TRDN: variants seen among roughly 807,000 people sequenced by gnomAD.
TRDN encodes the protein triadin, also known as triadin in skeletal muscle.
A neutral mutation model predicts 149.7 loss-of-function variants in TRDN; 161 were observed. The ratio of observed to expected loss-of-function variants is 1.08; its 90% CI spans 0.95 to 1.23. The LOEUF is 1.23. Among genes scored for constraint, TRDN ranks in the 50% most tolerant of loss-of-function variants. The pLI is 0.00. For missense variants in TRDN, 896 were observed against 823.5 expected, an observed-to-expected ratio of 1.09 and a Z score of -1.08; for synonymous variants, 294 against 250.5, an observed-to-expected ratio of 1.17 and a Z score of -1.64.
chr6:123,235,497 C>T lies in TRDN; in HGVS notation c.1976-11366G>A, dbSNP rs188481281. 3.5e-3 allele frequency among the ~76,000 whole-genome samples: 540 copies of T among 152,172 alleles called. 3 individuals carry two copies. The highest frequency in any genetic ancestry group is 0.012 in the African/African-American group (502 of 41,524). ...GTCAGGTAAGTGAGAAAAAGCAACC[C>T]AGCTAGGAAATCTCAAAAAGCTATC... On this transcript the variant is annotated intron_variant, in intron 38 of 40. Coordinates refer to ENST00000334268, the MANE Select transcript of TRDN (RefSeq NM_006073.4).
chr6:123,488,173 A>G (rs1278410767), intron 9 of TRDN, among the ~76,000 whole-genome samples: 1 of 152,060 alleles, frequency 6.6e-6, no homozygotes, highest in Non-Finnish European at 1.5e-5. Flanking sequence ...CCAAAACTCC[A>G]CACTTGATTA....
Position 123,530,489 on chromosome 6 carries a change from T to C in TRDN, c.484+17A>G, listed in dbSNP as rs1426060721. Reference sequence around the variant, plus strand: ...TGTATATCTAAATGAAGAATAAACATAAAATGAAATGTTTACCTTTAGTTT... The same window carrying C: ...TGTATATCTAAATGAAGAATAAACACAAAATGAAATGTTTACCTTTAGTTT... On this transcript the variant is annotated intron_variant, in intron 5 of 40. Transcript: ENST00000334268. 5 of 1,218,874 alleles carry C rather than the reference T, an allele frequency of 4.1e-6. No homozygotes were observed. The highest frequency in any genetic ancestry group is 5.5e-6 in the Non-Finnish European group (5 of 912,988). The allele number at this position is 1,218,874 out of a possible 1,614,324, so 75.5% of individuals were successfully genotyped here.
At chr6:123,344,699 T>G (rs1582897223) in intron 21 of TRDN, among the ~76,000 whole-genome samples, 1 of 152,084 alleles carries the variant, frequency 6.6e-6, no homozygotes, top group South Asian at 2.1e-4. Context: ...TCTTGGTTGC[T>G]TCCTAGTTTT....
At chr6:123,219,133 A>G (rs796544027) in intron 40 of TRDN, among the ~76,000 whole-genome samples, 8 of 152,024 alleles carry the variant, frequency 5.3e-5, no homozygotes, top group African/African-American at 1.9e-4. Flanking sequence ...TCAATATGCA[A>G]AGCAACAGAC....
chr6:123,316,122 C>A (rs762114300), intron 24 of TRDN, among the ~76,000 whole-genome samples: 2 of 151,776 alleles, frequency 1.3e-5, no homozygotes, highest in African/African-American at 2.4e-5. Flanking sequence ...CTGTATGGAG[C>A]CTCTGACATT....
chr6:123,280,080 A>G (rs80261254), intron 24 of TRDN, among the ~76,000 whole-genome samples: 2 of 152,172 alleles, frequency 1.3e-5, no homozygotes, highest in Admixed American at 1.3e-4. Context: ...GAAAGTTACA[A>G]GGCCTTAGTG....
chr6:123,298,122 A>G (rs2114663573), intron 24 of TRDN, among the ~76,000 whole-genome samples: 1 of 152,224 alleles, frequency 6.6e-6, no homozygotes, highest in East Asian at 1.9e-4. Flanking sequence ...ACCAGATAAT[A>G]TATTGAGCAT....
intron 24 of TRDN, among the ~76,000 whole-genome samples, chr6:123,298,812 A>G (rs1305210572): frequency 6.6e-6 from 1 of 152,084 alleles, no homozygotes; most frequent in East Asian, 1.9e-4. Context: ...ATGCCATTAA[A>G]GGAAATACCA....
At chr6:123,631,305 CACTTT>C (rs1276261829) in intron 1 of TRDN, among the ~76,000 whole-genome samples, 1 of 151,960 alleles carries the variant, frequency 6.6e-6, no homozygotes, top group African/African-American at 2.4e-5. Flanking sequence ...CAAGCCATAG[CACTTT>C]TTAGAACTAT....
chr6:123,501,931 T>G, intron 8 of TRDN: 18 of 984,978 alleles, frequency 1.8e-5, no homozygotes, highest in Non-Finnish European at 2.2e-5. Flanking sequence ...GTTCCGGTGA[T>G]GAGTTTTTAT....
At chr6:123,556,477 C>T (rs2114475456) in intron 2 of TRDN, among the ~76,000 whole-genome samples, 1 of 152,238 alleles carries the variant, frequency 6.6e-6, no homozygotes, top group African/African-American at 2.4e-5. Flanking sequence ...CATGGTGCTT[C>T]TAATATTAAC....
intron 2 of TRDN, among the ~76,000 whole-genome samples, chr6:123,554,936 A>G (rs1781572158): frequency 6.6e-6 from 1 of 152,176 alleles, no homozygotes; most frequent in Non-Finnish European, 1.5e-5. Flanking sequence ...GTTATAGGGT[A>G]GAAATGCTAA....
chr6:123,316,327 C>T, intron 24 of TRDN, 130 bp downstream of exon 24: 1 of 823,634 alleles, frequency 1.2e-6, no homozygotes, highest in Non-Finnish European at 2.0e-6. Flanking sequence ...TGGCACATAG[C>T]ATCAGTATTT....
chr6:123,516,928 T>A (rs1272488489), intron 5 of TRDN, among the ~76,000 whole-genome samples: 1 of 152,132 alleles, frequency 6.6e-6, no homozygotes, highest in Admixed American at 6.6e-5. Flanking sequence ...TTTTTGATAT[T>A]CCTCTTCCTC....
chr6:123,617,905 T>C (rs1785183374), intron 1 of TRDN, among the ~76,000 whole-genome samples: 2 of 151,968 alleles, frequency 1.3e-5, no homozygotes, highest in South Asian at 2.1e-4. Flanking sequence ...ACCCGGCTAA[T>C]TTTTGTATTT....
intron 1 of TRDN, among the ~76,000 whole-genome samples, chr6:123,589,297 A>C (rs1001578001): frequency 3.9e-5 from 6 of 152,214 alleles, no homozygotes; most frequent in Non-Finnish European, 8.8e-5. Flanking sequence ...AACTATACTC[A>C]GTTCATTTGG....
chr6:123,256,045 C>T (rs1322374392), intron 35 of TRDN, 143 bp from the exon 36 acceptor site: 2 of 350,796 alleles, frequency 5.7e-6, no homozygotes, highest in African/African-American at 4.3e-5. Flanking sequence ...ACCCGTCAAC[C>T]CATCATCTAC....
At chr6:123,502,585 G>GA (rs1225631758) in intron 8 of TRDN, 3 of 984,630 alleles carry the variant, frequency 3.0e-6, no homozygotes, top group East Asian at 2.3e-4. Flanking sequence ...AAATTCAAGA[G>GA]AAAAAAGATG....
chr6:123,540,529 CTTGT>C (rs1046472671), intron 4 of TRDN, among the ~76,000 whole-genome samples: 3 of 151,700 alleles, frequency 2.0e-5, no homozygotes, highest in Non-Finnish European at 4.4e-5. Flanking sequence ...TTTTTGTTTG[CTTGT>C]TTGTTTGTTT....
Sources: gnomAD v4.1 joint callset for allele counts (sites outside exome capture counted in the v4.1 genomes callset) on GRCh38, gnomAD v4.1.1 for gene constraint, MANE v1.5 for transcripts, NCBI Gene and HGNC (gene_info 2026-07-23, HGNC 2026-07-21) for gene names.